PIEZO2: variants seen among roughly 807,000 people sequenced by gnomAD.
PIEZO2 encodes piezo-type mechanosensitive ion channel component 2.
In PIEZO2, 172 loss-of-function variants were observed where a neutral mutation model predicts 337.3. The observed-to-expected ratio is 0.51, with a 90% CI of 0.45 to 0.58. PIEZO2 has a LOEUF of 0.58. PIEZO2 is among the 20% of genes least tolerant of loss of function. The probability of loss-of-function intolerance (pLI) is 0.00; values close to 1 mark genes in which losing one functional copy is unlikely to be tolerated. For synonymous variants in PIEZO2, 1,251 were observed against 1,228.5 expected (o/e 1.02, Z -0.38); for missense variants, 3,028 against 3,391.3 (o/e 0.89, Z 2.66).
In PIEZO2 at chr18:11,131,644, G is replaced by A. The variant is rs2040342796; in HGVS notation, c.64+16881C>T. Among the ~76,000 whole-genome samples, 2 of 152,194 alleles carry A rather than the reference G, an allele frequency of 1.3e-5. No homozygotes were observed. Among genetic ancestry groups the A allele is most frequent in the African/African-American group, 4.8e-5 (2 of 41,438 alleles). Reference sequence around the variant, plus strand: ...ATGGCCAGATATGTGATTATATACTGATTAATGGGATGTAGCCAATGTTTT... The same window carrying A: ...ATGGCCAGATATGTGATTATATACTAATTAATGGGATGTAGCCAATGTTTT... On this transcript the variant is annotated intron_variant, in intron 1 of 55. Coordinates refer to ENST00000674853, the MANE Select transcript of PIEZO2 (RefSeq NM_001378183.1). The surrounding 1 kb of genome is among the most constrained non-coding windows in gnomAD (Gnocchi z 5.3).
At chr18:10,959,248 T>A (rs2033666145) in intron 3 of PIEZO2, among the ~76,000 whole-genome samples, 1 of 152,154 alleles carries the variant, frequency 6.6e-6, no homozygotes, top group Non-Finnish European at 1.5e-5. Context: ...GTCTTCACAG[T>A]AAAAGGTATA....
rs534603460 is a variant in PIEZO2, at chr18:10,676,840, G to A, written c.8081+907C>T. Among the ~76,000 whole-genome samples the A allele has an allele frequency of 2.0e-4, 31 of 152,310 alleles. 1 individual carries two copies. The South Asian group carries it at 6.4e-3, about 32-fold the overall frequency. ...GGGTGGCAGACATGAATGACAAGAG[G>A]CCTGAATCATTTTAGTGCAGTCCCA... On this transcript the variant is annotated intron_variant, in intron 53 of 55. Transcript: ENST00000674853. The surrounding 1 kb of genome is among the most constrained non-coding windows in gnomAD (Gnocchi z 5.1).
At position 11,148,115 on chromosome 18, in the gene PIEZO2, T is replaced by C. The variant is rs1325970650; in HGVS notation, c.64+410A>G. On this transcript the variant is annotated intron_variant, in intron 1 of 55. Transcript: ENST00000674853. The surrounding 1 kb of genome is among the most constrained non-coding windows in gnomAD (Gnocchi z 5.2). ...TCTGGGAGAGATGGCCTCTGGGCCG[T>C]CTGGAGGCACAGCATGCTGTGCTTG... 6.6e-6 allele frequency among the ~76,000 whole-genome samples: 1 copy of C among 152,114 alleles called. No individual in the cohort carries two copies. The highest frequency in any genetic ancestry group is 1.5e-5 in the Non-Finnish European group (1 of 68,006).
chr18:11,033,225 A>C lies in PIEZO2; in HGVS notation c.160+32902T>G, dbSNP rs183827272. On this transcript the variant is annotated intron_variant, in intron 2 of 55. Coordinates refer to ENST00000674853, the MANE Select transcript of PIEZO2 (RefSeq NM_001378183.1). The surrounding 1 kb of genome is among the most constrained non-coding windows in gnomAD (Gnocchi z 4.2). The stretch of plus-strand genomic sequence containing the variant: ...CACACATGAGGGGACTAAGACTGAG[A>C]GGCAAAGTGACTTACCTAAAGCCCT... Among the ~76,000 whole-genome samples, 1 of 152,324 alleles carries C rather than the reference A, an allele frequency of 6.6e-6. No individual in the cohort carries two copies. The highest frequency in any genetic ancestry group is 1.9e-4 in the East Asian group (1 of 5,178).
rs1333488286 is a variant in PIEZO2, at chr18:10,707,455, G to A, written c.5588+820C>T. ...TGCACCGAGATACACGGCTGCCAGT[G>A]AAAAGAAGATGCCCTCTGACTTGCC... On this transcript the variant is annotated intron_variant, in intron 40 of 55. Coordinates refer to ENST00000674853, the MANE Select transcript of PIEZO2 (RefSeq NM_001378183.1). The surrounding 1 kb of genome is among the most constrained non-coding windows in gnomAD (Gnocchi z 4.2). 6.6e-6 allele frequency among the ~76,000 whole-genome samples: 1 copy of A among 152,114 alleles called. No individual in the cohort carries two copies. Among genetic ancestry groups the A allele is most frequent in the African/African-American group, 2.4e-5 (1 of 41,434 alleles).
intron 18 of PIEZO2, among the ~76,000 whole-genome samples, chr18:10,776,643 C>A (rs1364702354): frequency 6.6e-6 from 1 of 152,174 alleles, no homozygotes; most frequent in African/African-American, 2.4e-5. Flanking sequence ...GTTCTGTTTA[C>A]TGGGCTTTCT....
rs7226389 is a variant in PIEZO2 at position 10,863,610 on chromosome 18, T to C, written c.493-6399A>G. ...AAAAACTAGTCCAATTCCTACCACA[T>C]GTACTCCCCTACCCCTAGGATTCTG... On this transcript the variant is annotated intron_variant, in intron 5 of 55. Transcript: ENST00000674853. The surrounding 1 kb of genome is among the most constrained non-coding windows in gnomAD (Gnocchi z 4.3). 0.95 allele frequency among the ~76,000 whole-genome samples: 144,833 copies of C among 152,238 alleles called. 68,966 individuals carry two copies. The highest frequency in any genetic ancestry group is 1 in the East Asian group (5,182 of 5,182).
At chr18:11,068,960 G>A (rs1288652905) in intron 1 of PIEZO2, among the ~76,000 whole-genome samples, 2 of 152,040 alleles carry the variant, frequency 1.3e-5, no homozygotes, top group African/African-American at 4.8e-5. Context: ...AACCTACCAT[G>A]ATGGAATCAT....
At chr18:10,734,255 TAA>T (rs895562700) in intron 35 of PIEZO2, among the ~76,000 whole-genome samples, 3 of 152,166 alleles carry the variant, frequency 2.0e-5, no homozygotes, top group Non-Finnish European at 4.4e-5. Flanking sequence ...GCAGAAATGG[TAA>T]ATACTACACT....
At chr18:10,731,376 A>G (rs1176487467) in intron 36 of PIEZO2, 31 bp downstream of exon 36, 2 of 1,471,860 alleles carry the variant, frequency 1.4e-6, no homozygotes, top group Non-Finnish European at 1.8e-6. Context: ...AACCTGCCAC[A>G]CCCACCACAG....
chr18:10,852,965 T>C (rs111748049), intron 7 of PIEZO2, among the ~76,000 whole-genome samples: 1 of 152,076 alleles, frequency 6.6e-6, no homozygotes, highest in Non-Finnish European at 1.5e-5. Context: ...AGTCTCCCAA[T>C]ATACAGAAAA....
chr18:10,753,470 G>C (rs2037723110), intron 27 of PIEZO2, among the ~76,000 whole-genome samples: 1 of 152,180 alleles, frequency 6.6e-6, no homozygotes, highest in East Asian at 1.9e-4. Context: ...CTCATGGAAG[G>C]TGAGGCCAGC....
intron 30 of PIEZO2, among the ~76,000 whole-genome samples, 182 bp from the exon 31 acceptor site, chr18:10,744,413 C>T (rs1464621526): frequency 6.6e-6 from 1 of 152,092 alleles, no homozygotes; most frequent in African/African-American, 2.4e-5. Context: ...ATTGGGTGAA[C>T]AGGGCACAGC....
In PIEZO2 at chr18:10,819,536, T is replaced by C. The variant is rs2144444557; in HGVS notation, c.918-12262A>G. Among the ~76,000 whole-genome samples the C allele has an allele frequency of 6.6e-6, 1 of 152,336 alleles. No homozygotes were observed. The highest frequency in any genetic ancestry group is 6.5e-5 in the Admixed American group (1 of 15,304). On this transcript the variant is annotated intron_variant, in intron 7 of 55. Coordinates refer to ENST00000674853, the MANE Select transcript of PIEZO2 (RefSeq NM_001378183.1). This position sits in a 1 kb window ranked among gnomAD's most constrained non-coding sequence, Gnocchi z 4.3. ...ATTTTAATGCTGACTGCTCTATCAA[T>C]GTCGAACATGTCACTTAACAAAAAA...
intron 2 of PIEZO2, among the ~76,000 whole-genome samples, chr18:11,036,874 TC>T (rs1457662379): frequency 2.6e-5 from 4 of 152,166 alleles, no homozygotes; most frequent in Non-Finnish European, 5.9e-5. Flanking sequence ...TGTGTTAAAA[TC>T]CCGTAATTAT....
rs1416561285 is a variant in PIEZO2, at chr18:11,092,973, A to G, written c.65-26751T>C. Among the ~76,000 whole-genome samples the G allele has an allele frequency of 6.6e-6, 1 of 152,180 alleles. No individual in the cohort carries two copies. Among genetic ancestry groups the G allele is most frequent in the Non-Finnish European group, 1.5e-5 (1 of 68,032 alleles). Reference sequence around the variant, plus strand: ...ACCATTCTCACTTACCCCAAAGCCTAACGAGCCCAAGAGCTTATAATATCG... The same window carrying G: ...ACCATTCTCACTTACCCCAAAGCCTGACGAGCCCAAGAGCTTATAATATCG... On this transcript the variant is annotated intron_variant, in intron 1 of 55. Transcript: ENST00000674853. The surrounding 1 kb of genome is among the most constrained non-coding windows in gnomAD (Gnocchi z 4.5).
intron 4 of PIEZO2, among the ~76,000 whole-genome samples, chr18:10,904,359 T>A (rs2043123050): frequency 1.3e-5 from 2 of 152,220 alleles, no homozygotes; most frequent in South Asian, 4.1e-4. Context: ...CAATCTTGGG[T>A]AAAATACTTA....
In PIEZO2 at chr18:11,080,772, A is replaced by G. The variant is rs1221353046; in HGVS notation, c.65-14550T>C. Among the ~76,000 whole-genome samples, 1 of 152,196 alleles carries G rather than the reference A, an allele frequency of 6.6e-6. No homozygotes were observed. The highest frequency in any genetic ancestry group is 6.5e-5 in the Admixed American group (1 of 15,286). ...GGCAGGAGAATCGCTTGAACTCGGG[A>G]GGCGGAGGTCACGGTGAGCCAAGAT... On this transcript the variant is annotated intron_variant, in intron 1 of 55. Coordinates refer to ENST00000674853, the MANE Select transcript of PIEZO2 (RefSeq NM_001378183.1). The surrounding 1 kb of genome is among the most constrained non-coding windows in gnomAD (Gnocchi z 5.4).
In PIEZO2 at chr18:10,982,332, TA is replaced by T. The variant is rs1009703819; in HGVS notation, c.161-2673del. On this transcript the variant is annotated intron_variant, in intron 2 of 55. Coordinates refer to ENST00000674853, the MANE Select transcript of PIEZO2 (RefSeq NM_001378183.1). This position sits in a 1 kb window ranked among gnomAD's most constrained non-coding sequence, Gnocchi z 4.1. ...TGATAAAAGTATTTAAGAATTAACC[TA>T]AAAAAGAATGCTTAAGACCGTTCTT... 4.6e-5 allele frequency among the ~76,000 whole-genome samples: 7 copies of T among 151,608 alleles called. No individual in the cohort carries two copies. Among genetic ancestry groups the T allele is most frequent in the African/African-American group, 1.7e-4 (7 of 41,266 alleles).
Sources: gnomAD v4.1 joint callset for allele counts (sites outside exome capture counted in the v4.1 genomes callset) on GRCh38, gnomAD v4.1.1 for gene constraint, Gnocchi (gnomAD v3.1) non-coding constraint, MANE v1.5 for transcripts, NCBI Gene and HGNC (gene_info 2026-07-23, HGNC 2026-07-21) for gene names.